The following PTPRD variants were observed in gnomAD, a reference collection of about 807,000 sequenced individuals.
The protein encoded by PTPRD is protein tyrosine phosphatase receptor type D.
Under a neutral mutation model 214.5 loss-of-function variants are expected in PTPRD, and 34 were observed. The observed-to-expected ratio is 0.16, with a 90% CI of 0.12 to 0.21. The LOEUF (loss-of-function observed/expected upper bound fraction) is 0.21, where lower values mean the gene tolerates loss of function less well. PTPRD is among the 10% of genes least tolerant of loss of function. PTPRD has a pLI of 1.00. For synonymous variants in PTPRD, 1,128 were observed against 845.7 expected (o/e 1.33, Z -5.79); for missense variants, 2,545 against 2,398.7 (o/e 1.06, Z -1.27).
At chr9:9,439,183 T>A (rs1477710827) in intron 8 of PTPRD, among the ~76,000 whole-genome samples, 1 of 109,988 alleles carries the variant, frequency 9.1e-6, no homozygotes, top group Non-Finnish European at 1.9e-5. Flanking sequence ...CAAGATCTGT[T>A]AATACATTAG....
chr9:10,340,672 G>C (rs1177831086), intron 3 of PTPRD, among the ~76,000 whole-genome samples: 1 of 151,808 alleles, frequency 6.6e-6, no homozygotes, highest in Non-Finnish European at 1.5e-5. Context: ...GATTAAATAA[G>C]ATGATTCACA....
chr9:9,643,529 T>C (rs2096043658), intron 7 of PTPRD, among the ~76,000 whole-genome samples: 2 of 152,188 alleles, frequency 1.3e-5, no homozygotes, highest in African/African-American at 4.8e-5. Flanking sequence ...AATAGTGCTC[T>C]AGGCAACTGT....
At chr9:9,147,084 G>A (rs1286984199) in intron 10 of PTPRD, among the ~76,000 whole-genome samples, 1 of 152,080 alleles carries the variant, frequency 6.6e-6, no homozygotes, top group Non-Finnish European at 1.5e-5. Context: ...TACATTACAA[G>A]TATGAGATTA....
At chr9:9,793,052 G>C (rs769575132) in intron 5 of PTPRD, among the ~76,000 whole-genome samples, 1 of 152,014 alleles carries the variant, frequency 6.6e-6, no homozygotes, top group Non-Finnish European at 1.5e-5. Context: ...TGTAACTTCT[G>C]GATACTGTGT....
intron 2 of PTPRD, among the ~76,000 whole-genome samples, chr9:10,487,138 C>T (rs2099137987): frequency 6.6e-6 from 1 of 152,086 alleles, no homozygotes; most frequent in South Asian, 2.1e-4. Flanking sequence ...TTCCTGGTTT[C>T]CATGGGCATA....
intron 10 of PTPRD, among the ~76,000 whole-genome samples, chr9:9,095,828 A>G (rs924629631): frequency 6.6e-6 from 1 of 152,178 alleles, no homozygotes; most frequent in African/African-American, 2.4e-5. Context: ...ATTGTTCTCA[A>G]TAGCCAAGAT....
chr9:10,200,385 A>G (rs2154332677), intron 3 of PTPRD, among the ~76,000 whole-genome samples: 1 of 152,178 alleles, frequency 6.6e-6, no homozygotes, highest in South Asian at 2.1e-4. Context: ...TATGGAGGAG[A>G]GAAGGAAGAT....
At chr9:9,426,469 C>A (rs547196899) in intron 8 of PTPRD, among the ~76,000 whole-genome samples, 8 of 152,298 alleles carry the variant, frequency 5.3e-5, no homozygotes, top group African/African-American at 1.9e-4. Context: ...TCTGTAGACT[C>A]CACCTCTGAC....
At chr9:10,602,422 T>A (rs1297402409) in intron 2 of PTPRD, among the ~76,000 whole-genome samples, 1 of 151,738 alleles carries the variant, frequency 6.6e-6, no homozygotes, top group Non-Finnish European at 1.5e-5. Context: ...TTCAACTTTT[T>A]AAAAAAATTT....
At chr9:10,555,527 C>T (rs1320485047) in intron 2 of PTPRD, among the ~76,000 whole-genome samples, 1 of 152,130 alleles carries the variant, frequency 6.6e-6, no homozygotes, top group Non-Finnish European at 1.5e-5. Context: ...CCCTAGCATG[C>T]CTTTCCCCAC....
intron 3 of PTPRD, among the ~76,000 whole-genome samples, chr9:10,089,776 C>T (rs2098406666): frequency 6.6e-6 from 1 of 151,622 alleles, no homozygotes; most frequent in East Asian, 1.9e-4. Context: ...AACTTCTCTA[C>T]ATATATTAAA....
intron 2 of PTPRD, among the ~76,000 whole-genome samples, chr9:10,363,991 G>GTTTTTTTGTTTT (rs1485501417): frequency 0.011 from 387 of 35,110 alleles, 2 homozygotes; most frequent in Middle Eastern, 0.053. Context: ...ACATTTTCGG[G>GTTTTTTTGTTTT]TTTTTTTTTT....
intron 2 of PTPRD, among the ~76,000 whole-genome samples, chr9:10,494,859 C>A (rs561972183): frequency 1.8e-4 from 27 of 151,308 alleles, no homozygotes; most frequent in African/African-American, 6.0e-4. Flanking sequence ...TAGTATTGGG[C>A]AAATTATAGC....
At chr9:8,442,467 C>T (rs895273601) in intron 34 of PTPRD, among the ~76,000 whole-genome samples, 4 of 152,060 alleles carry the variant, frequency 2.6e-5, no homozygotes, top group South Asian at 2.1e-4. Flanking sequence ...TCACTATATA[C>T]GTGTGTTTGT....
chr9:9,881,324 T>C (rs192880687), intron 5 of PTPRD, among the ~76,000 whole-genome samples: 20 of 152,282 alleles, frequency 1.3e-4, no homozygotes, highest in African/African-American at 4.8e-4. Context: ...AATTTATTTC[T>C]CTCACCATTG....
At chr9:9,768,095 A>G (rs2098721075) in intron 5 of PTPRD, among the ~76,000 whole-genome samples, 1 of 152,148 alleles carries the variant, frequency 6.6e-6, no homozygotes. Context: ...GGTTTTATAC[A>G]TATATAAAAT....
intron 10 of PTPRD, among the ~76,000 whole-genome samples, chr9:9,168,916 G>T (rs1444849970): frequency 6.6e-6 from 1 of 151,268 alleles, no homozygotes. Context: ...TAGTGAAGTA[G>T]AATGAAAATT....
intron 39 of PTPRD, among the ~76,000 whole-genome samples, chr9:8,369,708 TAG>T (rs2080950496): frequency 6.6e-6 from 1 of 152,040 alleles, no homozygotes; most frequent in African/African-American, 2.4e-5. Context: ...CTCTTATGAA[TAG>T]AAAGTCTTCC....
At chr9:8,678,868 G>T (rs1336178823) in intron 12 of PTPRD, among the ~76,000 whole-genome samples, 9 of 152,218 alleles carry the variant, frequency 5.9e-5, no homozygotes, top group African/African-American at 2.2e-4. Flanking sequence ...GTAGGGTCCA[G>T]TAGTAGAAAG....
Sources: gnomAD v4.1 joint callset for allele counts (sites outside exome capture counted in the v4.1 genomes callset) on GRCh38, gnomAD v4.1.1 for gene constraint, MANE v1.5 for transcripts, NCBI Gene and HGNC (gene_info 2026-07-23, HGNC 2026-07-21) for gene names.